The following MCM10 variants were observed in gnomAD, a reference collection of about 807,000 sequenced individuals.
MCM10 encodes the protein minichromosome maintenance 10 replication initiation factor, also known as protein MCM10 homolog.
A neutral mutation model predicts 109.9 loss-of-function variants in MCM10; 91 were observed. The observed-to-expected ratio is 0.83, with a 90% CI of 0.70 to 0.99. MCM10 has a LOEUF of 0.99. MCM10 is among the 50% of genes least tolerant of loss of function. The pLI is 0.00. For missense variants in MCM10, 1,077 were observed against 1,061.2 expected, an observed-to-expected ratio of 1.01 and a Z score of -0.21; for synonymous variants, 380 against 387.2, an observed-to-expected ratio of 0.98 and a Z score of 0.22.
chr10:13,164,144 C>T lies in MCM10; in HGVS notation c.-59C>T, dbSNP rs1833963555. 6.7e-7 allele frequency: 1 copy of T among 1,488,822 alleles called. No individual in the cohort carries two copies. The allele number at this position is 1,488,822 out of a possible 1,614,324, so 92.2% of individuals were successfully genotyped here. The stretch of plus-strand genomic sequence containing the variant: ...TTCACACAGCCAAGATTCTACATTG[C>T]TCATCTGGGCATCTGAGCCTCCTTC... On this transcript the variant is annotated 5_prime_UTR_variant, in exon 2 of 20. Transcript: ENST00000378714.
At chr10:13,163,666 A>C (rs1833956802) in intron 1 of MCM10, among the ~76,000 whole-genome samples, 1 of 149,764 alleles carries the variant, frequency 6.7e-6, no homozygotes, top group Admixed American at 6.7e-5. Context: ...GAATAGCCTA[A>C]TGTAGATCGA....
At chr10:13,173,023 G>GTA (rs1834095904) in intron 5 of MCM10, among the ~76,000 whole-genome samples, 1 of 152,108 alleles carries the variant, frequency 6.6e-6, no homozygotes, top group Non-Finnish European at 1.5e-5. Context: ...AGGCTGGGTA[G>GTA]TATAGCAAGA....
At chr10:13,167,234 G>T (rs536141295) in intron 2 of MCM10, among the ~76,000 whole-genome samples, 17 of 152,320 alleles carry the variant, frequency 1.1e-4, no homozygotes, top group Non-Finnish European at 2.4e-4. Context: ...TTAGAAGGCA[G>T]TGAGTGATGA....
chr10:13,190,442 G>A (rs1484607555), intron 10 of MCM10, among the ~76,000 whole-genome samples: 2 of 152,142 alleles, frequency 1.3e-5, no homozygotes, highest in African/African-American at 2.4e-5. Flanking sequence ...CCAGCACTTC[G>A]GGAGGCCAAG....
intron 11 of MCM10, among the ~76,000 whole-genome samples, chr10:13,191,867 T>C (rs2274108): frequency 0.38 from 58,379 of 151,992 alleles, 11,593 homozygotes; most frequent in East Asian, 0.59. Flanking sequence ...TTTGTTAAAA[T>C]GGGTCTTGGT....
chr10:13,167,465 A>T (rs942217793), intron 2 of MCM10, among the ~76,000 whole-genome samples: 3 of 152,020 alleles, frequency 2.0e-5, no homozygotes, highest in African/African-American at 7.2e-5. Context: ...TTACTATGGG[A>T]GTGGGTAGCT....
chr10:13,204,676 A>G (rs943850348), intron 18 of MCM10: 86 of 254,096 alleles, frequency 3.4e-4, no homozygotes, highest in African/African-American at 1.7e-3. Context: ...GCTAGGATGC[A>G]CATAATATTT....
chr10:13,186,375 T>C, intron 9 of MCM10, 95 bp downstream of exon 9: 1 of 768,076 alleles, frequency 1.3e-6, no homozygotes, highest in Non-Finnish European at 2.2e-6. Context: ...AGTTTGGAAC[T>C]GAGTTTCCCA....
chr10:13,163,154 C>G (rs1019027166), intron 1 of MCM10, among the ~76,000 whole-genome samples: 7 of 151,006 alleles, frequency 4.6e-5, no homozygotes, highest in Non-Finnish European at 8.8e-5. Context: ...GCCTGGGCAA[C>G]ATGGCGAAAC....
At chr10:13,203,048 T>TTGGA (rs1450718048) in intron 17 of MCM10, among the ~76,000 whole-genome samples, 1 of 152,128 alleles carries the variant, frequency 6.6e-6, no homozygotes, top group African/African-American at 2.4e-5. Context: ...TTTCACTATG[T>TTGGA]TGGACATGCT....
chr10:13,204,647 ATG>A (rs1564394812), intron 18 of MCM10: 3 of 302,058 alleles, frequency 9.9e-6, no homozygotes, highest in Non-Finnish European at 1.2e-5. Flanking sequence ...GGTGGTAAAC[ATG>A]TGTGTGTTTG....
intron 14 of MCM10, among the ~76,000 whole-genome samples, chr10:13,196,441 C>G (rs1834422646): frequency 6.6e-6 from 1 of 152,144 alleles, no homozygotes; most frequent in Non-Finnish European, 1.5e-5. Flanking sequence ...CTACAATAAC[C>G]ATGGCACATG....
At position 13,210,841 on chromosome 10, in the gene MCM10, G is replaced by T. The variant is rs946357695; in HGVS notation, c.*1531G>T. On this transcript the variant is annotated 3_prime_UTR_variant, in exon 20 of 20. Transcript: ENST00000378714. ...TGTTTTTAATGGCTCATTTAGGGTAGATTTATTTATCTCATTAACTTAAAA... is the reference window on the plus strand; with the variant it reads ...TGTTTTTAATGGCTCATTTAGGGTATATTTATTTATCTCATTAACTTAAAA... 1 of 152,160 alleles carries T rather than the reference G, an allele frequency of 6.6e-6. No homozygotes were observed. Among genetic ancestry groups the T allele is most frequent in the African/African-American group, 2.4e-5 (1 of 41,432 alleles). 9.4% of individuals were successfully genotyped at this position (152,160 alleles called of 1,614,324 possible).
chr10:13,183,890 C>T lies in MCM10; in HGVS notation c.1098+790C>T, dbSNP rs550359064. On this transcript the variant is annotated intron_variant, in intron 8 of 19. Coordinates refer to ENST00000378714, the MANE Select transcript of MCM10 (RefSeq NM_018518.5). The stretch of plus-strand genomic sequence containing the variant: ...TTTGTGTGTATGTGATGGAGTTTCG[C>T]TCTTGTTGCCTAGGCTGGAGTGCAA... Among the ~76,000 whole-genome samples the T allele has an allele frequency of 2.7e-4, 41 of 152,122 alleles. 1 individual carries two copies. The South Asian group carries it at 8.1e-3, about 30-fold the overall frequency.
At chr10:13,165,409 A>T (rs904982198) in intron 2 of MCM10, among the ~76,000 whole-genome samples, 1 of 152,212 alleles carries the variant, frequency 6.6e-6, no homozygotes, top group African/African-American at 2.4e-5. Flanking sequence ...TGATGCTATC[A>T]TGGTAGTTTC....
intron 14 of MCM10, chr10:13,195,632 A>G (rs1306704464): frequency 7.2e-6 from 1 of 138,056 alleles, no homozygotes; most frequent in Non-Finnish European, 1.6e-5. Flanking sequence ...ATTTTTTGAG[A>G]AGGAGTCTCA....
At chr10:13,164,957 T>C (rs149266871) in intron 2 of MCM10, among the ~76,000 whole-genome samples, 12 of 151,976 alleles carry the variant, frequency 7.9e-5, no homozygotes, top group Admixed American at 7.9e-4. Flanking sequence ...ATTGAACTCA[T>C]AATCTGAAAC....
chr10:13,187,474 C>T (rs186691486), intron 9 of MCM10, among the ~76,000 whole-genome samples: 2 of 152,276 alleles, frequency 1.3e-5, no homozygotes, highest in East Asian at 1.9e-4. Context: ...GTATGTTTTC[C>T]ACTCCCTTGG....
At position 13,183,084 on chromosome 10, in the gene MCM10, A is replaced by G. The variant is rs1214413010; in HGVS notation, c.1082A>G (p.Lys361Arg). The G allele has an allele frequency of 1.9e-6, 3 of 1,613,842 alleles. No homozygotes were observed. The highest frequency in any genetic ancestry group is 1.1e-5 in the South Asian group (1 of 91,048). ...CTCAATGCCAACCCCATGAAGCCCA[A>G]GGATGGTTCAGAGGAGGTAAGAGCC... ...GILNANPMKP[K>R]DGSEEVCLSI... is the part of the protein sequence containing the mutation. Residue 361 changes from lysine to arginine, a missense_variant, in exon 8 of 20, where the codon AAG (lysine) becomes AGG (arginine). Coordinates refer to ENST00000378714, the MANE Select transcript of MCM10 (RefSeq NM_018518.5).
Sources: gnomAD v4.1 joint callset for allele counts (sites outside exome capture counted in the v4.1 genomes callset) on GRCh38, gnomAD v4.1.1 for gene constraint, MANE v1.5 for transcripts, NCBI Gene and HGNC (gene_info 2026-07-23, HGNC 2026-07-21) for gene names.